ANKFN1: variants seen among roughly 807,000 people sequenced by gnomAD.
The protein encoded by ANKFN1 is ankyrin repeat and fibronectin type-III domain-containing protein 1.
A neutral mutation model predicts 108.7 loss-of-function variants in ANKFN1; 74 were observed. The ratio of observed to expected loss-of-function variants is 0.68; its 90% CI spans 0.56 to 0.83. The LOEUF (loss-of-function observed/expected upper bound fraction) is 0.83. Ranked by LOEUF, ANKFN1 falls within the 40% of genes least tolerant of loss-of-function variation. ANKFN1 has a pLI of 0.00. For synonymous variants in ANKFN1, 547 were observed against 516.2 expected (o/e 1.06, Z -0.81); for missense variants, 1,505 against 1,382.3 (o/e 1.09, Z -1.41).
chr17:56,090,420 A>G (rs1468281995), intron 4 of ANKFN1, among the ~76,000 whole-genome samples: 1 of 151,266 alleles, frequency 6.6e-6, no homozygotes, highest in African/African-American at 2.4e-5. Context: ...CAATGACCCC[A>G]AACCATGATC....
intron 4 of ANKFN1, among the ~76,000 whole-genome samples, chr17:56,127,694 G>A (rs1907019421): frequency 1.3e-5 from 2 of 152,156 alleles, no homozygotes; most frequent in South Asian, 2.1e-4. Context: ...CTTAGTCTCA[G>A]ACCCCCACAA....
chr17:56,391,212 C>CATATATATATATATATAT (rs202114506), intron 8 of ANKFN1, among the ~76,000 whole-genome samples: 23 of 121,378 alleles, frequency 1.9e-4, no homozygotes, highest in African/African-American at 6.5e-4. Flanking sequence ...CCCAAGAATA[C>CATATATATATATATATAT]ATATATATAT....
rs1555660595 is a variant in ANKFN1, at chr17:56,467,792, A to AAAGAAAG, written c.1773+1222_1773+1223insAGAAAGA. Among the ~76,000 whole-genome samples, 63 of 15,478 alleles carry AAAGAAAG rather than the reference A, an allele frequency of 4.1e-3. 1 individual carries two copies. The highest frequency in any genetic ancestry group is 0.016 in the African/African-American group (60 of 3,672). The allele number at this position is 15,478 out of a possible 152,430, so 10.2% of individuals were successfully genotyped here. The stretch of plus-strand genomic sequence containing the variant: ...GAAAGAAAGAAAGAAAGAAAGAAAG[A>AAAGAAAG]AGAAAGAAAGAAAGAAAGAAAGAAA... On this transcript the variant is annotated intron_variant, in intron 15 of 20. Coordinates refer to ENST00000682825, the MANE Select transcript of ANKFN1 (RefSeq NM_001370326.1).
At chr17:56,103,361 A>C (rs994740732) in intron 4 of ANKFN1, among the ~76,000 whole-genome samples, 3 of 152,232 alleles carry the variant, frequency 2.0e-5, no homozygotes, top group African/African-American at 7.2e-5. Context: ...CTGGTTATCA[A>C]GTCTGGAAAA....
intron 3 of ANKFN1, among the ~76,000 whole-genome samples, chr17:56,320,109 AGT>A (rs2045320758): frequency 6.6e-6 from 1 of 152,170 alleles, no homozygotes; most frequent in Non-Finnish European, 1.5e-5. Context: ...TACTTTGTAG[AGT>A]GTGAGAATTC....
chr17:56,107,453 CTGAG>C (rs1346756689), intron 4 of ANKFN1, among the ~76,000 whole-genome samples: 4 of 152,152 alleles, frequency 2.6e-5, no homozygotes, highest in Admixed American at 6.6e-5. Flanking sequence ...AAGGTGATAT[CTGAG>C]TGAAGGCAGA....
At chr17:56,228,227 A>AC (rs1916433685) in intron 3 of ANKFN1, 1 of 369,874 alleles carries the variant, frequency 2.7e-6, no homozygotes, top group Non-Finnish European at 4.8e-6. Flanking sequence ...GGCAATATTC[A>AC]TTTATATATT....
chr17:56,064,988 C>T (rs1194884175), intron 4 of ANKFN1, among the ~76,000 whole-genome samples: 1 of 152,200 alleles, frequency 6.6e-6, no homozygotes, highest in Non-Finnish European at 1.5e-5. Context: ...GTGGGACTCT[C>T]AGGTGGGTCA....
At chr17:56,156,444 T>G (rs915200354) in intron 1 of ANKFN1, 1 of 152,202 alleles carries the variant, frequency 6.6e-6, no homozygotes, top group Non-Finnish European at 1.5e-5. Flanking sequence ...GTTGTGAAGA[T>G]GAAAGCAGAG....
At chr17:56,490,618 A>G (rs2051003958) in intron 18 of ANKFN1, among the ~76,000 whole-genome samples, 2 of 152,276 alleles carry the variant, frequency 1.3e-5, no homozygotes, top group South Asian at 4.2e-4. Context: ...AAGCAGGGAA[A>G]TAGTATGAGA....
At chr17:56,345,242 G>A (rs140501033) in intron 4 of ANKFN1, among the ~76,000 whole-genome samples, 60 of 152,098 alleles carry the variant, frequency 3.9e-4, no homozygotes, top group African/African-American at 1.1e-3. Flanking sequence ...TTATGGCTGC[G>A]TAGTATTCCA....
At chr17:56,060,195 G>A (rs907356769) in intron 4 of ANKFN1, among the ~76,000 whole-genome samples, 4 of 142,852 alleles carry the variant, frequency 2.8e-5, no homozygotes, top group African/African-American at 1.1e-4. Context: ...TGTAGCAATT[G>A]TGAATGGGAG....
At chr17:56,175,521 C>T (rs1024156126) in intron 1 of ANKFN1, among the ~76,000 whole-genome samples, 1 of 152,064 alleles carries the variant, frequency 6.6e-6, no homozygotes, top group Non-Finnish European at 1.5e-5. Context: ...ATTGCAAAGC[C>T]CTTGTGAGAC....
chr17:56,058,538 A>AT (rs61132521), intron 4 of ANKFN1, among the ~76,000 whole-genome samples: 17,741 of 152,116 alleles, frequency 0.12, 2,279 homozygotes, highest in African/African-American at 0.32. Context: ...AACTTGTGCC[A>AT]TGGTGGTTCA....
In ANKFN1 at chr17:56,332,970, T is replaced by C. The variant is rs1349649506; in HGVS notation, c.188+6615T>C. Among the ~76,000 whole-genome samples the C allele has an allele frequency of 3.7e-5, 3 of 80,180 alleles. 1 individual carries two copies. The South Asian group carries it at 1.3e-3, about 35-fold the overall frequency. 52.6% of individuals were successfully genotyped at this position (80,180 alleles called of 152,430 possible). ...TTCCAATCCATGAACAAGGTGTGTATATATGTGTGTATATATATATATATA... is the reference window on the plus strand; with the variant it reads ...TTCCAATCCATGAACAAGGTGTGTACATATGTGTGTATATATATATATATA... On this transcript the variant is annotated intron_variant, in intron 4 of 20. Coordinates refer to ENST00000682825, the MANE Select transcript of ANKFN1 (RefSeq NM_001370326.1).
chr17:56,211,460 A>G (rs1260985699), intron 1 of ANKFN1, among the ~76,000 whole-genome samples: 6 of 152,114 alleles, frequency 3.9e-5, no homozygotes, highest in African/African-American at 1.4e-4. Flanking sequence ...CCATTGGTCT[A>G]TATGCCTATT....
intron 2 of ANKFN1, among the ~76,000 whole-genome samples, chr17:56,212,898 A>G (rs1915123094): frequency 6.6e-6 from 1 of 152,164 alleles, no homozygotes; most frequent in Non-Finnish European, 1.5e-5. Flanking sequence ...CACATTTACT[A>G]CAAGTCATTG....
At chr17:56,265,605 G>C (rs955108615) in intron 3 of ANKFN1, among the ~76,000 whole-genome samples, 2 of 152,174 alleles carry the variant, frequency 1.3e-5, no homozygotes, top group Non-Finnish European at 2.9e-5. Flanking sequence ...TGGAAGCCAA[G>C]TATAGGACTG....
At chr17:56,095,050 C>T (rs1905508312) in intron 4 of ANKFN1, among the ~76,000 whole-genome samples, 1 of 151,046 alleles carries the variant, frequency 6.6e-6, no homozygotes, top group African/African-American at 2.4e-5. Context: ...CAATGGCTCA[C>T]TCTAGTATAA....
Sources: allele counts gnomAD v4.1 joint callset (sites outside exome capture counted in the v4.1 genomes callset), GRCh38; gene constraint gnomAD v4.1.1; transcripts MANE v1.5; gene names NCBI Gene and HGNC (gene_info 2026-07-23, HGNC 2026-07-21).